The following NHSL2 variants were observed in gnomAD, a reference collection of about 807,000 sequenced individuals.
NHSL2 encodes NHS like 2.
A neutral mutation model predicts 53.4 loss-of-function variants in NHSL2; 27 were observed. The ratio of observed to expected loss-of-function variants is 0.51; its 90% CI spans 0.37 to 0.70. The LOEUF is 0.70. Ranked by LOEUF, NHSL2 falls within the 30% of genes least tolerant of loss-of-function variation. NHSL2 has a pLI of 0.00. For synonymous variants in NHSL2, 408 were observed against 404.1 expected, an observed-to-expected ratio of 1.01 and a Z score of -0.12; for missense variants, 892 against 980.1, an observed-to-expected ratio of 0.91 and a Z score of 1.20.
At chrX:71,929,173 A>G (rs1297681602) in intron 1 of NHSL2, among the ~76,000 whole-genome samples, 2 of 112,331 alleles carry the variant, frequency 1.8e-5, no homozygotes. Flanking sequence ...TTTTTTAAGC[A>G]TGAGATAAAA....
intron 1 of NHSL2, among the ~76,000 whole-genome samples, chrX:71,996,733 A>G (rs187835931): frequency 2.7e-5 from 3 of 112,239 alleles, no homozygotes; most frequent in Non-Finnish European, 5.6e-5. Flanking sequence ...TCTCTTGGAA[A>G]TCTGCTGACC....
At chrX:71,911,974 T>G (rs1328827884) in intron 1 of NHSL2, among the ~76,000 whole-genome samples, 1 of 111,395 alleles carries the variant, frequency 9.0e-6, no homozygotes, top group Non-Finnish European at 1.9e-5. Flanking sequence ...TGGGCCGCTG[T>G]GCTGGGGAGT....
intron 1 of NHSL2, among the ~76,000 whole-genome samples, chrX:72,093,450 C>A (rs1344125615): frequency 8.9e-6 from 1 of 112,264 alleles, no homozygotes; most frequent in Non-Finnish European, 1.9e-5. Flanking sequence ...AAGCAGTTAC[C>A]AGTCATTTCC....
chrX:72,044,469 G>A, intron 1 of NHSL2: 1 of 466,140 alleles, frequency 2.1e-6, no homozygotes. Context: ...TACATTCCTG[G>A]ATGGTTTGGG....
chrX:72,026,543 G>A (rs1449367760), intron 1 of NHSL2, among the ~76,000 whole-genome samples: 1 of 112,645 alleles, frequency 8.9e-6, no homozygotes, highest in Non-Finnish European at 1.9e-5. Context: ...GCAAGAAAGA[G>A]CTATGGGGAA....
chrX:71,924,457 T>A (rs2041674692), intron 1 of NHSL2, among the ~76,000 whole-genome samples: 1 of 111,953 alleles, frequency 8.9e-6, no homozygotes, highest in Non-Finnish European at 1.9e-5. Context: ...TTTGAATTCA[T>A]GTTTATTTCC....
intron 1 of NHSL2, among the ~76,000 whole-genome samples, chrX:72,009,559 C>A (rs1036643499): frequency 1.8e-5 from 2 of 112,516 alleles, no homozygotes; most frequent in Non-Finnish European, 3.8e-5. Flanking sequence ...GTTACCTTTT[C>A]AGTATGTTTC....
At chrX:72,118,386 T>C (rs1299744168) in intron 1 of NHSL2, among the ~76,000 whole-genome samples, 1 of 112,317 alleles carries the variant, frequency 8.9e-6, no homozygotes, top group African/African-American at 3.2e-5. Flanking sequence ...AAGTCTCTTA[T>C]CAAACATATG....
chrX:71,926,538 G>A (rs115392950), intron 1 of NHSL2, among the ~76,000 whole-genome samples: 161 of 110,653 alleles, frequency 1.5e-3, no homozygotes, highest in African/African-American at 5.0e-3. Flanking sequence ...ACCTGCTCTC[G>A]GGGGTTTTAG....
intron 1 of NHSL2, among the ~76,000 whole-genome samples, chrX:72,045,379 C>T (rs762601823): frequency 1.3e-4 from 15 of 111,962 alleles, no homozygotes; most frequent in Non-Finnish European, 2.5e-4. Context: ...AGCTGAGGCT[C>T]AGGACTAGGT....
At chrX:72,142,391 T>A (rs1202057943) in intron 7 of NHSL2, 27 bp downstream of exon 7, 8 of 1,068,884 alleles carry the variant, frequency 7.5e-6, no homozygotes, top group Non-Finnish European at 1.0e-5. Context: ...TTAATTCTAA[T>A]TGCAATTGCC....
At position 71,948,582 on chromosome X, in the gene NHSL2, A is replaced by C. The variant is rs772503145; in HGVS notation, c.280+37215A>C. ...CACGGTGGCTCACGCCTGTAATCCC[A>C]GCACTTTGGGAGGCCGAGGTGGGTG... On this transcript the variant is annotated intron_variant, in intron 1 of 7. Coordinates refer to ENST00000633930, the MANE Select transcript of NHSL2 (RefSeq NM_001013627.3). Among the ~76,000 whole-genome samples the C allele has an allele frequency of 3.6e-5, 4 of 111,480 alleles. No individual in the cohort carries two copies. In the South Asian group the frequency reaches 1.5e-3, roughly 43 times the overall value.
chrX:72,037,898 C>T (rs1471840660), intron 1 of NHSL2, among the ~76,000 whole-genome samples: 1 of 112,299 alleles, frequency 8.9e-6, no homozygotes, highest in Non-Finnish European at 1.9e-5. Flanking sequence ...CACCTTCTGT[C>T]ACTGGGTGGA....
intron 1 of NHSL2, among the ~76,000 whole-genome samples, chrX:71,964,000 CAT>C (rs1491526328): frequency 9.5e-5 from 3 of 31,442 alleles, no homozygotes; most frequent in African/African-American, 3.9e-4. Context: ...TATGTATATA[CAT>C]ATATATATGT....
At chrX:71,915,774 C>T (rs1349531964) in intron 1 of NHSL2, among the ~76,000 whole-genome samples, 2 of 111,114 alleles carry the variant, frequency 1.8e-5, no homozygotes, top group Non-Finnish European at 3.8e-5. Context: ...AGTGCTCTGC[C>T]CTCTGCAGTG....
chrX:72,049,009 A>AGAAGAAGAG (rs1556340802), intron 1 of NHSL2, among the ~76,000 whole-genome samples: 2,921 of 86,130 alleles, frequency 0.034, 66 homozygotes, highest in Non-Finnish European at 0.051. Context: ...AAGAAGAAGA[A>AGAAGAAGAG]GAAGAGGAAG....
chrX:71,972,730 T>A (rs1296792815), intron 1 of NHSL2, among the ~76,000 whole-genome samples: 1 of 111,805 alleles, frequency 8.9e-6, no homozygotes, highest in Non-Finnish European at 1.9e-5. Context: ...CTCTGTCATC[T>A]CTCCTTCTGG....
At chrX:72,075,150 C>T (rs1029504802) in intron 1 of NHSL2, among the ~76,000 whole-genome samples, 5 of 111,522 alleles carry the variant, frequency 4.5e-5, no homozygotes, top group Admixed American at 1.9e-4. Context: ...GGAAGCTGCA[C>T]GTTTGAACTC....
intron 1 of NHSL2, among the ~76,000 whole-genome samples, chrX:72,022,410 A>G (rs1211816059): frequency 1.1e-4 from 12 of 109,159 alleles, no homozygotes; most frequent in Admixed American, 7.8e-4. Context: ...TTAAACAACA[A>G]TTTTTTTTTT....
Sources: gnomAD v4.1 joint callset for allele counts (sites outside exome capture counted in the v4.1 genomes callset) on GRCh38, gnomAD v4.1.1 for gene constraint, MANE v1.5 for transcripts, NCBI Gene and HGNC (gene_info 2026-07-23, HGNC 2026-07-21) for gene names.